The following CD36 variants were observed in gnomAD, a reference collection of about 807,000 sequenced individuals.
CD36 encodes the protein CD36 molecule (CD36 blood group).
A neutral mutation model predicts 55.2 loss-of-function variants in CD36; 119 were observed. The observed-to-expected ratio is 2.15, with a 90% CI of 1.86 to 2.51. The LOEUF (loss-of-function observed/expected upper bound fraction) is 2.51. CD36 is among the 30% of genes most tolerant of loss of function. The pLI, the probability that CD36 is intolerant of heterozygous loss-of-function variation, is 0.00. For synonymous variants in CD36, 186 were observed against 193.6 expected (o/e 0.96, Z 0.33); for missense variants, 819 against 555.5 (o/e 1.47, Z -4.77).
At chr7:80,603,578 G>A (rs1792362799) in intron 1 of CD36, among the ~76,000 whole-genome samples, 1 of 152,014 alleles carries the variant, frequency 6.6e-6, no homozygotes, top group South Asian at 2.1e-4. Flanking sequence ...CTGACAAGAG[G>A]AAAGGAAAAA....
chr7:80,673,139 A>T (rs1797881747), intron 12 of CD36: 1 of 515,782 alleles, frequency 1.9e-6, no homozygotes, highest in African/African-American at 2.0e-5. Context: ...GAATTTATTG[A>T]AAGGAAAAAT....
At chr7:80,662,500 G>T in intron 5 of CD36, 1 of 275,318 alleles carries the variant, frequency 3.6e-6, no homozygotes. Flanking sequence ...CGTGGAACCT[G>T]CCGTTGTGAT....
rs1314768985 is a variant in CD36 at position 80,677,155 on chromosome 7, C to A, written c.*772C>A. 6.6e-6 allele frequency: 1 copy of A among 152,104 alleles called. No homozygotes were observed. Among genetic ancestry groups the A allele is most frequent in the Non-Finnish European group, 1.5e-5 (1 of 68,012 alleles). 9.4% of individuals were successfully genotyped at this position (152,104 alleles called of 1,614,324 possible). A position where few individuals can be genotyped will look rare whatever the true frequency, so the allele number is the denominator to read the frequency against. On this transcript the variant is annotated 3_prime_UTR_variant, in exon 15 of 15. Transcript: ENST00000447544. ...CTTTCTAAATTTCTACCACTTTGTTCTAGGCTAATTTTTTAAGCTAATTGG... is the reference window on the plus strand; with the variant it reads ...CTTTCTAAATTTCTACCACTTTGTTATAGGCTAATTTTTTAAGCTAATTGG...
At chr7:80,610,260 T>C (rs986041068) in intron 1 of CD36, among the ~76,000 whole-genome samples, 4 of 152,306 alleles carry the variant, frequency 2.6e-5, no homozygotes, top group East Asian at 3.9e-4. Context: ...TACTCTTATT[T>C]TGAGTTTTCC....
At chr7:80,676,228 A>G (rs982360464) in intron 14 of CD36, 156 bp from the exon 15 acceptor site, 1 of 152,184 alleles carries the variant, frequency 6.6e-6, no homozygotes, top group African/African-American at 2.4e-5. Flanking sequence ...TTTTAGTTGA[A>G]GAAATGGTGG....
At chr7:80,673,771 G>A (rs1426440609) in intron 13 of CD36, 1 of 593,794 alleles carries the variant, frequency 1.7e-6, no homozygotes, top group Middle Eastern at 4.5e-4. Flanking sequence ...GTTCTGAAGA[G>A]CAAATGAATC....
chr7:80,630,665 T>G (rs1165627997), intron 1 of CD36, among the ~76,000 whole-genome samples: 11 of 152,002 alleles, frequency 7.2e-5, no homozygotes, highest in Admixed American at 5.9e-4. Flanking sequence ...CACTGCAGGC[T>G]CCTTTCCTCC....
intron 3 of CD36, among the ~76,000 whole-genome samples, chr7:80,650,072 C>T (rs973240878): frequency 3.3e-5 from 5 of 151,872 alleles, no homozygotes; most frequent in African/African-American, 7.3e-5. Context: ...AAGAATTATC[C>T]GTGCAATCTT....
At position 80,609,572 on chromosome 7, in the gene CD36, C is replaced by T. The variant is rs142274974; in HGVS notation, c.-184+7193C>T. On this transcript the variant is annotated intron_variant, in intron 1 of 13. Transcript: ENST00000309881. ...CAGGTTTTTGTTTTGTTGATTCTCACGTTTTCTCCCAATCAGAAGTCCAAA... is the reference window on the plus strand; with the variant it reads ...CAGGTTTTTGTTTTGTTGATTCTCATGTTTTCTCCCAATCAGAAGTCCAAA... Among the ~76,000 whole-genome samples, 1,522 of 152,228 alleles carry T rather than the reference C, an allele frequency of 1.0e-2. 25 individuals are homozygous for T. Among genetic ancestry groups the T allele is most frequent in the African/African-American group, 0.034 (1,419 of 41,526 alleles).
chr7:80,621,150 G>T (rs549877210), intron 1 of CD36, among the ~76,000 whole-genome samples: 52 of 151,946 alleles, frequency 3.4e-4, no homozygotes, highest in Non-Finnish European at 5.7e-4. Flanking sequence ...ATAATTGTTA[G>T]CTTTTTTTTA....
chr7:80,620,358 G>C (rs1238993133), intron 1 of CD36, among the ~76,000 whole-genome samples: 14 of 152,250 alleles, frequency 9.2e-5, no homozygotes, highest in African/African-American at 3.4e-4. Context: ...TCAAGTTGGG[G>C]TTCTCATTAC....
upstream of CD36, among the ~76,000 whole-genome samples, chr7:80,633,795 A>G (rs938823862): frequency 1.3e-5 from 2 of 152,070 alleles, no homozygotes; most frequent in Non-Finnish European, 2.9e-5. Context: ...CCTAAAGATT[A>G]AAGTGATAAA....
At chr7:80,650,927 C>CAAAA (rs59555088) in intron 3 of CD36, among the ~76,000 whole-genome samples, 2 of 133,518 alleles carry the variant, frequency 1.5e-5, no homozygotes, top group Admixed American at 7.5e-5. Context: ...TGCAGTCTTT[C>CAAAA]AAAAAAAAAA....
At chr7:80,617,799 A>G (rs1481150181) in intron 1 of CD36, among the ~76,000 whole-genome samples, 2 of 151,606 alleles carry the variant, frequency 1.3e-5, no homozygotes, top group Non-Finnish European at 2.9e-5. Context: ...TGAAGTTTCT[A>G]TTTCTCACTT....
intron 4 of CD36, 75 bp downstream of exon 4, chr7:80,656,775 T>G: frequency 7.7e-7 from 1 of 1,292,704 alleles, no homozygotes; most frequent in South Asian, 1.2e-5. Context: ...ACTTGGCAAA[T>G]GTCATTGTAT....
At position 80,677,181 on chromosome 7, in the gene CD36, A is replaced by G. The variant is rs1450490024; in HGVS notation, c.*798A>G. On this transcript the variant is annotated 3_prime_UTR_variant, in exon 15 of 15. Coordinates refer to ENST00000447544, the MANE Select transcript of CD36 (RefSeq NM_001001548.3). ...TAGGCTAATTTTTTAAGCTAATTGG[A>G]TGAAGAACAAAAAGACATTTGGTTT... The G allele has an allele frequency of 6.6e-6, 1 of 152,164 alleles. No individual in the cohort carries two copies. The highest frequency in any genetic ancestry group is 1.5e-5 in the Non-Finnish European group (1 of 68,032). The allele number at this position is 152,164 out of a possible 1,614,324, so 9.4% of individuals were successfully genotyped here.
intron 1 of CD36, among the ~76,000 whole-genome samples, chr7:80,607,766 G>T (rs1792642930): frequency 6.6e-6 from 1 of 151,736 alleles, no homozygotes; most frequent in South Asian, 2.1e-4. Context: ...AACTCTTTTT[G>T]TTGTTGTTGT....
rs1438785142 is a variant in CD36, at chr7:80,675,032, A to C, written c.*885A>C. Among the ~76,000 whole-genome samples the C allele has an allele frequency of 3.3e-5, 5 of 152,112 alleles. No homozygotes were observed. In the South Asian group the frequency reaches 1.0e-3, roughly 31 times the overall value. On this transcript the variant is annotated intron_variant, in intron 14 of 14. Coordinates refer to ENST00000447544, the MANE Select transcript of CD36 (RefSeq NM_001001548.3). ...TTTAATTGTTTGTGACCAAAGCATA[A>C]ATCAGTGAAAGTGGAATTTGGGGAC...
chr7:80,644,095 G>A (rs940652103), intron 1 of CD36, among the ~76,000 whole-genome samples: 1 of 152,152 alleles, frequency 6.6e-6, no homozygotes, highest in Non-Finnish European at 1.5e-5. Context: ...TTACAATTAT[G>A]CATTGCAAAG....
Sources: allele counts gnomAD v4.1 joint callset (sites outside exome capture counted in the v4.1 genomes callset), GRCh38; gene constraint gnomAD v4.1.1; transcripts MANE v1.5; gene names NCBI Gene and HGNC (gene_info 2026-07-23, HGNC 2026-07-21).